The following TMOD1 variants were observed in gnomAD, a reference collection of about 807,000 sequenced individuals.
TMOD1 encodes the protein tropomodulin-1.
Under a neutral mutation model 40.6 loss-of-function variants are expected in TMOD1, and 17 were observed. The observed-to-expected ratio is 0.42, with a 90% CI of 0.29 to 0.63. The LOEUF is 0.63. Among genes scored for constraint, TMOD1 ranks in the 20% least tolerant of loss-of-function variants. The pLI, the probability that TMOD1 is intolerant of heterozygous loss-of-function variation, is 0.22. For synonymous variants in TMOD1, 181 were observed against 175.0 expected (o/e 1.03, Z -0.27); for missense variants, 391 against 447.6 (o/e 0.87, Z 1.14).
intron 8 of TMOD1, among the ~76,000 whole-genome samples, chr9:97,590,459 C>T (rs183829841): frequency 1.3e-3 from 191 of 152,170 alleles, no homozygotes; most frequent in Middle Eastern, 3.4e-3. Context: ...CTCCTTAGCT[C>T]AGGCAGACTG....
intron 3 of TMOD1, among the ~76,000 whole-genome samples, chr9:97,549,620 G>A (rs1457394297): frequency 6.6e-6 from 1 of 152,090 alleles, no homozygotes; most frequent in Non-Finnish European, 1.5e-5. Context: ...TGATTCTGTT[G>A]TGTGTTTTGC....
intron 4 of TMOD1, among the ~76,000 whole-genome samples, chr9:97,560,798 G>A (rs1464675919): frequency 6.6e-6 from 1 of 151,716 alleles, no homozygotes; most frequent in Non-Finnish European, 1.5e-5. Context: ...GGGAGGTGGA[G>A]TTTACTGTGA....
chr9:97,575,722 G>A (rs1482432782), intron 8 of TMOD1, among the ~76,000 whole-genome samples: 4 of 152,220 alleles, frequency 2.6e-5, no homozygotes, highest in African/African-American at 9.6e-5. Flanking sequence ...CGTCTGGCCA[G>A]AAAGGGAGCC....
intron 2 of TMOD1, among the ~76,000 whole-genome samples, chr9:97,542,004 T>C (rs1310020062): frequency 1.3e-5 from 2 of 152,256 alleles, no homozygotes; most frequent in African/African-American, 4.8e-5. Context: ...AATCTACTTT[T>C]TTATTTTGTT....
intron 9 of TMOD1, among the ~76,000 whole-genome samples, chr9:97,598,364 T>C (rs1282923330): frequency 6.7e-6 from 1 of 148,926 alleles, no homozygotes; most frequent in Non-Finnish European, 1.5e-5. Context: ...TGGTCCTGTC[T>C]GGTACTAGCT....
chr9:97,596,697 A>G (rs1190755932), intron 9 of TMOD1, among the ~76,000 whole-genome samples: 3 of 152,170 alleles, frequency 2.0e-5, no homozygotes, highest in African/African-American at 7.2e-5. Context: ...TCCCTTTGCC[A>G]TGTTACTACC....
intron 2 of TMOD1, among the ~76,000 whole-genome samples, chr9:97,534,905 A>G (rs1486969328): frequency 6.6e-6 from 1 of 152,180 alleles, no homozygotes; most frequent in Non-Finnish European, 1.5e-5. Flanking sequence ...AGATGAATGC[A>G]GGGGAGCTGG....
intron 2 of TMOD1, among the ~76,000 whole-genome samples, chr9:97,544,091 A>G (rs575022246): frequency 6.6e-6 from 1 of 152,200 alleles, no homozygotes; most frequent in East Asian, 1.9e-4. Flanking sequence ...TGCCAAGCCC[A>G]TTATCTGTCT....
At chr9:97,529,941 C>T (rs893185125) in intron 2 of TMOD1, among the ~76,000 whole-genome samples, 3 of 152,136 alleles carry the variant, frequency 2.0e-5, no homozygotes, top group Non-Finnish European at 4.4e-5. Flanking sequence ...CAGTCATTAG[C>T]CCCATTTTAA....
At chr9:97,524,497 G>GGGGT (rs561183211) in intron 2 of TMOD1, among the ~76,000 whole-genome samples, 189 bp downstream of exon 2, 57 of 143,028 alleles carry the variant, frequency 4.0e-4, no homozygotes, top group East Asian at 3.9e-3. Flanking sequence ...GAACCAATAG[G>GGGGT]GTGTGTGTGT....
intron 8 of TMOD1, among the ~76,000 whole-genome samples, chr9:97,575,726 G>A (rs536679617): frequency 1.3e-5 from 2 of 152,336 alleles, no homozygotes; most frequent in African/African-American, 4.8e-5. Context: ...TGGCCAGAAA[G>A]GGAGCCTCAG....
In TMOD1 at chr9:97,502,451, G is replaced by A. The variant is rs376070842; in HGVS notation, c.-49+648G>A. Among the ~76,000 whole-genome samples, 179 of 152,358 alleles carry A rather than the reference G, an allele frequency of 1.2e-3. No individual in the cohort carries two copies. Among genetic ancestry groups the A allele is most frequent in the African/African-American group, 4.1e-3 (169 of 41,596 alleles). On this transcript the variant is annotated intron_variant, in intron 1 of 9. Transcript: ENST00000259365. This position sits in a 1 kb window ranked among gnomAD's most constrained non-coding sequence, Gnocchi z 6.1. The stretch of plus-strand genomic sequence containing the variant: ...TTGGAGGCGGGAGCCCCAGGTTGTC[G>A]CCGGCTCTCGGCATGGCCTTGGCAA...
chr9:97,556,278 GC>G (rs1223500046), intron 4 of TMOD1, among the ~76,000 whole-genome samples: 1 of 152,206 alleles, frequency 6.6e-6, no homozygotes, highest in African/African-American at 2.4e-5. Flanking sequence ...GCCTGAGGCA[GC>G]AGAAAACAGG....
chr9:97,577,349 T>C (rs1825635651), intron 8 of TMOD1, among the ~76,000 whole-genome samples: 1 of 152,214 alleles, frequency 6.6e-6, no homozygotes, highest in African/African-American at 2.4e-5. Context: ...CTGGTCATTC[T>C]CAGAGGCACT....
chr9:97,566,516 TA>T (rs1311430124), intron 7 of TMOD1, among the ~76,000 whole-genome samples: 1 of 151,746 alleles, frequency 6.6e-6, no homozygotes, highest in Non-Finnish European at 1.5e-5. Context: ...ACTAAAAGTA[TA>T]AAAATTACCT....
chr9:97,541,776 A>G (rs1430087023), intron 2 of TMOD1, among the ~76,000 whole-genome samples: 1 of 152,218 alleles, frequency 6.6e-6, no homozygotes, highest in Non-Finnish European at 1.5e-5. Context: ...TTGGCCTCCC[A>G]AAGTGCTGGG....
At chr9:97,554,786 G>A (rs1337193144) in intron 4 of TMOD1, among the ~76,000 whole-genome samples, 14 of 152,138 alleles carry the variant, frequency 9.2e-5, no homozygotes, top group Non-Finnish European at 1.9e-4. Flanking sequence ...GGCCACAGCT[G>A]CCTTCTGCGA....
rs899430645 is a variant in TMOD1 at position 97,546,133 on chromosome 9, T to C, written c.121-52T>C. ...GTCTTCAGCAGCTGACCACTCTCTCTTTCTCTCTCTCTCTTTCTCTCTCTC... is the reference window on the plus strand; with the variant it reads ...GTCTTCAGCAGCTGACCACTCTCTCCTTCTCTCTCTCTCTTTCTCTCTCTC... On this transcript the variant is annotated intron_variant, in intron 2 of 9. Transcript: ENST00000259365. 2.1e-5 allele frequency: 32 copies of C among 1,554,932 alleles called. No homozygotes were observed. The African/African-American group carries it at 2.3e-4, about 11-fold the overall frequency.
intron 1 of TMOD1, among the ~76,000 whole-genome samples, chr9:97,519,925 T>C (rs1355068727): frequency 1.3e-5 from 2 of 152,060 alleles, no homozygotes; most frequent in Non-Finnish European, 2.9e-5. Context: ...ATCTGCTTGC[T>C]ACCCCATGAT....
Sources: allele counts gnomAD v4.1 joint callset (sites outside exome capture counted in the v4.1 genomes callset), GRCh38; gene constraint gnomAD v4.1.1; non-coding constraint Gnocchi (gnomAD v3.1); transcripts MANE v1.5; gene names NCBI Gene and HGNC (gene_info 2026-07-23, HGNC 2026-07-21).